Variants in CSMD1 observed in about 807,000 individuals in gnomAD.
CSMD1 encodes the protein CUB and Sushi multiple domains 1.
In CSMD1, 213 loss-of-function variants were observed where a neutral mutation model predicts 417.5. The observed-to-expected ratio is 0.51, with a 90% CI of 0.46 to 0.57. The LOEUF (loss-of-function observed/expected upper bound fraction) is 0.57. CSMD1 is among the 20% of genes least tolerant of loss of function. CSMD1 has a pLI of 0.00. For synonymous variants in CSMD1, 2,862 were observed against 1,736.8 expected, an observed-to-expected ratio of 1.65 and a Z score of -16.11; for missense variants, 6,923 against 4,529.7, an observed-to-expected ratio of 1.53 and a Z score of -15.17.
chr8:3,877,149 C>A (rs546379214), intron 5 of CSMD1, among the ~76,000 whole-genome samples: 11 of 152,172 alleles, frequency 7.2e-5, no homozygotes, highest in Admixed American at 7.2e-4. Context: ...TTTCCCCATC[C>A]CTTCCTCTAC....
intron 3 of CSMD1, among the ~76,000 whole-genome samples, chr8:4,072,292 A>G (rs1799600444): frequency 6.6e-6 from 1 of 152,306 alleles, no homozygotes; most frequent in African/African-American, 2.4e-5. Context: ...CTTTTACAAA[A>G]AAATACCTTC....
At chr8:4,546,680 TAGATAGC>T (rs1232071406) in intron 2 of CSMD1, among the ~76,000 whole-genome samples, 1 of 152,134 alleles carries the variant, frequency 6.6e-6, no homozygotes, top group Admixed American at 6.6e-5. Flanking sequence ...CTCCAGCCTG[TAGATAGC>T]AGATCATGAG....
intron 3 of CSMD1, among the ~76,000 whole-genome samples, chr8:4,296,065 T>G (rs1040188175): frequency 5.3e-5 from 8 of 152,056 alleles, no homozygotes; most frequent in Non-Finnish European, 2.9e-5. Flanking sequence ...AAGGAGCCCT[T>G]AAAATGATGT....
intron 1 of CSMD1, among the ~76,000 whole-genome samples, chr8:4,873,363 A>C (rs527415045): frequency 1.3e-5 from 2 of 152,124 alleles, no homozygotes; most frequent in Non-Finnish European, 2.9e-5. Context: ...TGAACATGAC[A>C]CGCAGATCAG....
At chr8:3,708,520 AG>A (rs755758297) in intron 6 of CSMD1, 29 bp from the exon 7 acceptor site, 7 of 1,595,476 alleles carry the variant, frequency 4.4e-6, no homozygotes, top group Non-Finnish European at 6.0e-6. Context: ...AGCCATTAGC[AG>A]GTAAGACTTG....
intron 6 of CSMD1, among the ~76,000 whole-genome samples, chr8:3,734,682 G>T (rs1193145144): frequency 6.6e-6 from 1 of 152,326 alleles, no homozygotes; most frequent in African/African-American, 2.4e-5. Flanking sequence ...CTGCACTCCA[G>T]CATGGGTGAC....
intron 8 of CSMD1, among the ~76,000 whole-genome samples, chr8:3,603,730 C>G (rs1284161654): frequency 6.6e-6 from 1 of 152,158 alleles, no homozygotes; most frequent in Non-Finnish European, 1.5e-5. Context: ...AAAAAACCCC[C>G]TGATATATGG....
chr8:4,317,323 G>C (rs1441034321), intron 3 of CSMD1, among the ~76,000 whole-genome samples: 1 of 152,130 alleles, frequency 6.6e-6, no homozygotes, highest in Non-Finnish European at 1.5e-5. Flanking sequence ...GCTTGCTAAC[G>C]TGGGGTGCAG....
At chr8:3,247,759 C>G (rs1330373315) in intron 26 of CSMD1, among the ~76,000 whole-genome samples, 3 of 152,166 alleles carry the variant, frequency 2.0e-5, no homozygotes, top group African/African-American at 7.2e-5. Flanking sequence ...ACTAAAAAAA[C>G]AAAACCAACA....
intron 3 of CSMD1, among the ~76,000 whole-genome samples, chr8:4,094,621 T>G (rs1188026337): frequency 1.3e-5 from 2 of 151,410 alleles, no homozygotes; most frequent in Non-Finnish European, 3.0e-5. Context: ...GAGAGGCGTG[T>G]GTCACACATG....
intron 5 of CSMD1, among the ~76,000 whole-genome samples, chr8:3,943,542 T>C (rs561484927): frequency 6.6e-6 from 1 of 151,358 alleles, no homozygotes; most frequent in South Asian, 2.1e-4. Context: ...ATTCAAAGAA[T>C]CTCTCAAAAA....
rs143095145 is a variant in CSMD1, at chr8:3,577,755, C to G, written c.1223-2689G>C. ...CAATGTTTGCCTTTCTAAATCTTCT[C>G]CAACCTAATCATCTGCTTCTTTACC... On this transcript the variant is annotated intron_variant, in intron 9 of 69. Transcript: ENST00000635120. 2.8e-3 allele frequency among the ~76,000 whole-genome samples: 434 copies of G among 152,326 alleles called. 3 individuals are homozygous for G. Among genetic ancestry groups the G allele is most frequent in the African/African-American group, 0.01 (418 of 41,580 alleles).
rs1024452671 is a variant in CSMD1 at position 4,608,093 on chromosome 8, A to G, written c.302+29249T>C. Among the ~76,000 whole-genome samples the G allele has an allele frequency of 2.6e-5, 4 of 152,136 alleles. No homozygotes were observed. In the East Asian group the frequency reaches 5.8e-4, roughly 22 times the overall value. On this transcript the variant is annotated intron_variant, in intron 2 of 69. Coordinates refer to ENST00000635120, the MANE Select transcript of CSMD1 (RefSeq NM_033225.6). Reference sequence around the variant, plus strand: ...GGAGATGGTGCTTGGTGTATTCGAAACCAACAACAAGGTGACCAGTGTCCC... The same window carrying G: ...GGAGATGGTGCTTGGTGTATTCGAAGCCAACAACAAGGTGACCAGTGTCCC...
intron 1 of CSMD1, among the ~76,000 whole-genome samples, chr8:4,929,461 C>G (rs28570156): frequency 0.012 from 1,857 of 152,246 alleles, 29 homozygotes; most frequent in African/African-American, 0.041. Flanking sequence ...ATATATCTAA[C>G]TATGCATAGG....
intron 3 of CSMD1, among the ~76,000 whole-genome samples, chr8:4,367,542 G>C (rs1802150771): frequency 6.6e-6 from 1 of 152,090 alleles, no homozygotes; most frequent in South Asian, 2.1e-4. Context: ...AGCTAATGTG[G>C]GGCTCTTTGG....
At chr8:4,889,754 T>C (rs1237105746) in intron 1 of CSMD1, among the ~76,000 whole-genome samples, 1 of 152,126 alleles carries the variant, frequency 6.6e-6, no homozygotes, top group Non-Finnish European at 1.5e-5. Context: ...TGACACATTA[T>C]ATTTTATGTA....
intron 3 of CSMD1, among the ~76,000 whole-genome samples, chr8:4,106,714 G>A (rs1026880273): frequency 4.6e-5 from 7 of 152,122 alleles, no homozygotes; most frequent in Admixed American, 2.6e-4. Flanking sequence ...TCTGATGTGC[G>A]TTTTATACAC....
intron 1 of CSMD1, among the ~76,000 whole-genome samples, chr8:4,959,416 C>G (rs1381722058): frequency 6.6e-6 from 1 of 152,234 alleles, no homozygotes; most frequent in Non-Finnish European, 1.5e-5. Flanking sequence ...GCACTGGACA[C>G]AAGTGAGGAA....
At chr8:3,815,787 G>C (rs1262500938) in intron 5 of CSMD1, among the ~76,000 whole-genome samples, 1 of 152,064 alleles carries the variant, frequency 6.6e-6, no homozygotes, top group East Asian at 1.9e-4. Flanking sequence ...ATCTATAGTA[G>C]TGAGCTAGTG....
Sources: gnomAD v4.1 joint callset for allele counts (sites outside exome capture counted in the v4.1 genomes callset) on GRCh38, gnomAD v4.1.1 for gene constraint, MANE v1.5 for transcripts, NCBI Gene and HGNC (gene_info 2026-07-23, HGNC 2026-07-21) for gene names.